Variants in FSTL5 observed in about 807,000 individuals in gnomAD.
FSTL5 encodes the protein follistatin like 5, also known as follistatin-related protein 5.
In FSTL5, 62 loss-of-function variants were observed where a neutral mutation model predicts 89.1. That is an observed-to-expected ratio of 0.70 (90% confidence interval 0.57 to 0.86). FSTL5 has a LOEUF of 0.86. Among genes scored for constraint, FSTL5 ranks in the 40% least tolerant of loss-of-function variants. The pLI is 0.00. For synonymous variants in FSTL5, 383 were observed against 346.2 expected (o/e 1.11, Z -1.18); for missense variants, 1,057 against 1,001.6 (o/e 1.06, Z -0.75).
At chr4:161,605,392 C>T (rs1483107094) in intron 7 of FSTL5, among the ~76,000 whole-genome samples, 1 of 151,574 alleles carries the variant, frequency 6.6e-6, no homozygotes, top group East Asian at 1.9e-4. Flanking sequence ...ATTTCTAGGC[C>T]CTAAAGATAT....
At chr4:161,596,533 T>G (rs531315607) in intron 7 of FSTL5, among the ~76,000 whole-genome samples, 134 of 152,092 alleles carry the variant, frequency 8.8e-4, no homozygotes, top group Admixed American at 3.9e-3. Flanking sequence ...AAAAAGGTTC[T>G]AATAACTTCA....
At position 161,471,820 on chromosome 4, in the gene FSTL5, A is replaced by G. The variant is rs117838826; in HGVS notation, c.1608+9200T>C. On this transcript the variant is annotated intron_variant, in intron 13 of 15. Coordinates refer to ENST00000306100, the MANE Select transcript of FSTL5 (RefSeq NM_020116.5). ...TTGTCCATTTTATGTAGGTTATCCA[A>G]TTTGACAACATACAATTGTTCATGG... is the stretch of plus-strand genomic sequence containing the variant. Among the ~76,000 whole-genome samples the G allele has an allele frequency of 5.2e-3, 791 of 152,202 alleles. 17 individuals carry two copies. Among genetic ancestry groups the G allele is most frequent in the Admixed American group, 0.039 (591 of 15,284 alleles).
Position 161,542,685 on chromosome 4 carries a change from C to G in FSTL5, c.1024G>C (p.Val342Leu). 1 of 1,453,892 alleles carries G rather than the reference C, an allele frequency of 6.9e-7. No homozygotes were observed. Among genetic ancestry groups the G allele is most frequent in the East Asian group, 2.6e-5 (1 of 38,954 alleles). The allele number at this position is 1,453,892 out of a possible 1,614,324, so 90.1% of individuals were successfully genotyped here. ...TGACTCTCTGGATACACCCGGATGA[C>G]TGGAGGAACTAAAGGAAAAAATGAA... ...THIFQVNVPP[V>L]IRVYPESQAR... Residue 342 changes from valine (V) to leucine (L), a missense_variant, in exon 9 of 16, where the codon GTC becomes CTC. Val to Leu is a conservative substitution (Grantham distance 32). Transcript: ENST00000306100.
intron 7 of FSTL5, among the ~76,000 whole-genome samples, chr4:161,628,992 G>A (rs1735406300): frequency 6.6e-6 from 1 of 152,178 alleles, no homozygotes; most frequent in African/African-American, 2.4e-5. Context: ...TTCTCAAAGA[G>A]CCTGAGATTT....
At chr4:161,762,312 G>C (rs1057225035) in intron 5 of FSTL5, among the ~76,000 whole-genome samples, 1 of 152,102 alleles carries the variant, frequency 6.6e-6, no homozygotes, top group African/African-American at 2.4e-5. Flanking sequence ...TGGTCAAAAA[G>C]AAAGTATGAA....
Position 162,001,598 on chromosome 4 carries a change from TTGTGTGTGTG to T in FSTL5, c.160+32017_160+32026del, listed in dbSNP as rs34546507. 4.3e-4 allele frequency among the ~76,000 whole-genome samples: 65 copies of T among 150,034 alleles called. 1 individual carries two copies. The highest frequency in any genetic ancestry group is 1.2e-3 in the African/African-American group (48 of 40,802). Reference sequence around the variant, plus strand: ...GTGCCTTCTGCTAAGGATACATGCATTGTGTGTGTGTGTGTGTGTGTGTGTGTGTAAGTGT... The same window carrying T: ...GTGCCTTCTGCTAAGGATACATGCATTGTGTGTGTGTGTGTGTGTAAGTGT... On this transcript the variant is annotated intron_variant, in intron 3 of 15. Coordinates refer to ENST00000306100, the MANE Select transcript of FSTL5 (RefSeq NM_020116.5).
At chr4:161,414,314 T>C (rs544677159) in intron 15 of FSTL5, among the ~76,000 whole-genome samples, 1 of 152,190 alleles carries the variant, frequency 6.6e-6, no homozygotes, top group Non-Finnish European at 1.5e-5. Context: ...CAATCCACTC[T>C]TAATTTTAAT....
At chr4:161,563,828 A>T (rs538172197) in intron 8 of FSTL5, among the ~76,000 whole-genome samples, 2 of 152,122 alleles carry the variant, frequency 1.3e-5, no homozygotes, top group Admixed American at 1.3e-4. Flanking sequence ...CATTACTATA[A>T]TCTAAATTGG....
intron 7 of FSTL5, among the ~76,000 whole-genome samples, chr4:161,619,459 T>G (rs563814140): frequency 3.3e-5 from 5 of 152,082 alleles, no homozygotes; most frequent in Non-Finnish European, 5.9e-5. Context: ...AGGGCTAATA[T>G]CCAGAATCTA....
In FSTL5 at chr4:161,734,624, G is replaced by C. The variant is rs148986996; in HGVS notation, c.727+24787C>G. Among the ~76,000 whole-genome samples, 1,150 of 152,204 alleles carry C rather than the reference G, an allele frequency of 7.6e-3. 6 individuals carry two copies. The highest frequency in any genetic ancestry group is 0.023 in the African/African-American group (963 of 41,538). On this transcript the variant is annotated intron_variant, in intron 6 of 15. Transcript: ENST00000306100. ...AATGTGGTTGTTTTATTACCCATTA[G>C]CTAAATTCCTTTTGATTCTTTGAAA...
At chr4:161,887,339 C>A (rs1414472262) in intron 4 of FSTL5, among the ~76,000 whole-genome samples, 3 of 152,052 alleles carry the variant, frequency 2.0e-5, no homozygotes, top group Non-Finnish European at 4.4e-5. Flanking sequence ...ACTTAGAAAG[C>A]AAAATAATTC....
chr4:161,679,874 T>G (rs2126707328), intron 6 of FSTL5, among the ~76,000 whole-genome samples: 1 of 151,832 alleles, frequency 6.6e-6, no homozygotes, highest in Admixed American at 6.6e-5. Flanking sequence ...TTCCAAAAAG[T>G]ACAAAACAAT....
At chr4:161,473,424 ATTTTTTT>A (rs70937654) in intron 13 of FSTL5, among the ~76,000 whole-genome samples, 2 of 129,770 alleles carry the variant, frequency 1.5e-5, no homozygotes, top group Non-Finnish European at 3.1e-5. Flanking sequence ...GTCTCTTGTA[ATTTTTTT>A]TTTTTTTTTT....
At chr4:161,473,081 T>C (rs770650562) in intron 13 of FSTL5, among the ~76,000 whole-genome samples, 38 of 152,206 alleles carry the variant, frequency 2.5e-4, no homozygotes, top group Non-Finnish European at 1.9e-4. Context: ...TCATTTATCC[T>C]GGAAAATGTT....
intron 2 of FSTL5, among the ~76,000 whole-genome samples, chr4:162,075,484 G>T (rs1367336641): frequency 4.0e-5 from 6 of 151,848 alleles, no homozygotes; most frequent in African/African-American, 1.4e-4. Flanking sequence ...TGTAGAGACA[G>T]ATGCTACATT....
chr4:161,754,159 T>C (rs958209901), intron 6 of FSTL5, among the ~76,000 whole-genome samples: 5 of 151,554 alleles, frequency 3.3e-5, no homozygotes, highest in African/African-American at 1.2e-4. Context: ...TTTAGAATCA[T>C]AGTTACCTCT....
At position 161,386,487 on chromosome 4, in the gene FSTL5, T is replaced by C. The variant is rs1243484425; in HGVS notation, c.1842-38A>G. On this transcript the variant is annotated intron_variant, in intron 15 of 15. Transcript: ENST00000306100. ...AAAATCAGAGTTAGACAGGAAGCAATGGAGTTTTTAGCCGTAAGAAAAAAA... is the reference window on the plus strand; with the variant it reads ...AAAATCAGAGTTAGACAGGAAGCAACGGAGTTTTTAGCCGTAAGAAAAAAA... 8 of 1,461,104 alleles carry C rather than the reference T, an allele frequency of 5.5e-6. No homozygotes were observed. The Admixed American group carries it at 1.2e-4, about 22-fold the overall frequency. 90.5% of individuals were successfully genotyped at this position (1,461,104 alleles called of 1,614,324 possible).
chr4:162,025,914 A>G (rs965153359), intron 3 of FSTL5, among the ~76,000 whole-genome samples: 8 of 152,004 alleles, frequency 5.3e-5, no homozygotes, highest in Non-Finnish European at 1.0e-4. Context: ...AATATTTCAA[A>G]TAACATAAAA....
intron 15 of FSTL5, chr4:161,386,717 C>T (rs917296538): frequency 1.1e-5 from 4 of 376,638 alleles, no homozygotes; most frequent in Middle Eastern, 7.6e-4. Context: ...ATTGCAGCAA[C>T]AAATTTTGCT....
Sources: gnomAD v4.1 joint callset for allele counts (sites outside exome capture counted in the v4.1 genomes callset) on GRCh38, gnomAD v4.1.1 for gene constraint, MANE v1.5 for transcripts, NCBI Gene and HGNC (gene_info 2026-07-23, HGNC 2026-07-21) for gene names.